PDE4D: variants seen among roughly 807,000 people sequenced by gnomAD.
The protein encoded by PDE4D is phosphodiesterase 4D, also known as 3',5'-cyclic-AMP phosphodiesterase 4D.
A neutral mutation model predicts 87.4 loss-of-function variants in PDE4D; 24 were observed. The observed-to-expected ratio is 0.27, with a 90% CI of 0.20 to 0.39. The LOEUF (loss-of-function observed/expected upper bound fraction) is 0.39. PDE4D is among the 10% of genes least tolerant of loss of function. PDE4D has a pLI of 1.00. For synonymous variants in PDE4D, 384 were observed against 383.2 expected, an observed-to-expected ratio of 1.00 and a Z score of -0.02; for missense variants, 714 against 1,041.0, an observed-to-expected ratio of 0.69 and a Z score of 4.32.
chr5:60,373,237 C>T lies in PDE4D; in HGVS notation c.-90+114705G>A, dbSNP rs144238573. ...TTAAATATTAGGATAATTTACATTA[C>T]ATTTCAAAATGCGGGCATCTTTTGA... On this transcript the variant is annotated intron_variant, in intron 1 of 16. Coordinates refer to the PDE4D transcript ENST00000502484. Among the ~76,000 whole-genome samples, 26 of 152,352 alleles carry T rather than the reference C, an allele frequency of 1.7e-4. No individual in the cohort carries two copies. In the East Asian group the frequency reaches 4.4e-3, roughly 26 times the overall value.
chr5:59,317,454 C>A (rs1057324198), intron 1 of PDE4D, among the ~76,000 whole-genome samples: 2 of 152,106 alleles, frequency 1.3e-5, no homozygotes, highest in African/African-American at 4.8e-5. Flanking sequence ...TCCCTAACTG[C>A]CTTTTTATTA....
intron 3 of PDE4D, among the ~76,000 whole-genome samples, chr5:59,902,567 G>A (rs1237015084): frequency 6.6e-6 from 1 of 152,118 alleles, no homozygotes; most frequent in Non-Finnish European, 1.5e-5. Context: ...GGAGCCCACA[G>A]GTAGATACAA....
chr5:59,450,550 C>A (rs1036547058), intron 1 of PDE4D, among the ~76,000 whole-genome samples: 43 of 152,264 alleles, frequency 2.8e-4, no homozygotes, highest in African/African-American at 1.0e-3. Context: ...ACACTGTGCA[C>A]ACATTTTTAA....
chr5:59,890,075 A>C (rs1750730562), intron 1 of PDE4D, among the ~76,000 whole-genome samples: 1 of 152,224 alleles, frequency 6.6e-6, no homozygotes, highest in African/African-American at 2.4e-5. Context: ...AATTTCAGCC[A>C]AGATAATATC....
chr5:59,583,407 A>G (rs1824545516), intron 1 of PDE4D, among the ~76,000 whole-genome samples: 2 of 152,194 alleles, frequency 1.3e-5, no homozygotes, highest in African/African-American at 4.8e-5. Context: ...CCATTCTAAC[A>G]ACTAGCCAGA....
chr5:60,293,203 G>C (rs1753060687), intron 1 of PDE4D, among the ~76,000 whole-genome samples: 1 of 151,882 alleles, frequency 6.6e-6, no homozygotes, highest in South Asian at 2.1e-4. Context: ...AAGGATTCCT[G>C]AACACTGACT....
chr5:59,528,407 T>G (rs1269870196), intron 1 of PDE4D, among the ~76,000 whole-genome samples: 1 of 152,154 alleles, frequency 6.6e-6, no homozygotes, highest in Non-Finnish European at 1.5e-5. Context: ...AGGGTCACAT[T>G]TGAAGTCCTG....
chr5:60,005,902 T>C (rs1218165484), intron 2 of PDE4D, among the ~76,000 whole-genome samples: 1 of 151,902 alleles, frequency 6.6e-6, no homozygotes, highest in Admixed American at 6.6e-5. Context: ...AGACACATAA[T>C]GATTTCGATC....
At chr5:59,373,138 C>G (rs1378373845) in intron 1 of PDE4D, among the ~76,000 whole-genome samples, 1 of 152,122 alleles carries the variant, frequency 6.6e-6, no homozygotes, top group African/African-American at 2.4e-5. Context: ...TTCCTCCAAA[C>G]AACCGTGTCC....
At chr5:59,390,974 G>C (rs1788124766) in intron 1 of PDE4D, among the ~76,000 whole-genome samples, 1 of 152,126 alleles carries the variant, frequency 6.6e-6, no homozygotes, top group East Asian at 1.9e-4. Flanking sequence ...CCTCTTATTA[G>C]AGTGTTAGAA....
At chr5:59,128,785 A>G (rs1775870518) in intron 5 of PDE4D, among the ~76,000 whole-genome samples, 1 of 152,244 alleles carries the variant, frequency 6.6e-6, no homozygotes, top group Non-Finnish European at 1.5e-5. Flanking sequence ...TGTTCCAGAG[A>G]GAAGCTGTTT....
intron 1 of PDE4D, among the ~76,000 whole-genome samples, chr5:60,211,269 T>C (rs1364062523): frequency 6.6e-6 from 1 of 152,170 alleles, no homozygotes; most frequent in Non-Finnish European, 1.5e-5. Flanking sequence ...GGAGTTTGTG[T>C]GGACTTTAAC....
At chr5:59,114,225 G>A (rs1447855418) in intron 5 of PDE4D, among the ~76,000 whole-genome samples, 1 of 151,978 alleles carries the variant, frequency 6.6e-6, no homozygotes, top group East Asian at 1.9e-4. Context: ...CACCAAATAT[G>A]ATCCCTTTAA....
rs556838638 is a variant in PDE4D at position 60,359,852 on chromosome 5, C to T, written c.-90+128090G>A. 9.2e-5 allele frequency among the ~76,000 whole-genome samples: 14 copies of T among 152,308 alleles called. No homozygotes were observed. The South Asian group carries it at 1.5e-3, about 16-fold the overall frequency. On this transcript the variant is annotated intron_variant, in intron 1 of 16. Coordinates refer to the PDE4D transcript ENST00000502484. ...TATCCATCTACCCCCACAAAACACA[C>T]GCCTTCTCCCATGTTTCTAGTGCCA...
At chr5:59,475,818 A>G (rs1347015169) in intron 1 of PDE4D, among the ~76,000 whole-genome samples, 3 of 152,008 alleles carry the variant, frequency 2.0e-5, no homozygotes, top group Non-Finnish European at 4.4e-5. Flanking sequence ...GAGTCTTCCC[A>G]CTGACTACTC....
chr5:59,740,745 CTTT>C (rs1034096603), intron 1 of PDE4D, among the ~76,000 whole-genome samples: 2 of 152,114 alleles, frequency 1.3e-5, no homozygotes, highest in African/African-American at 4.8e-5. Flanking sequence ...CTGAAGAGGA[CTTT>C]AGAGATCAAC....
At chr5:59,297,250 T>G (rs1001100783) in intron 1 of PDE4D, among the ~76,000 whole-genome samples, 2 of 152,192 alleles carry the variant, frequency 1.3e-5, no homozygotes, top group Non-Finnish European at 1.5e-5. Flanking sequence ...TGACATTTGT[T>G]TAGGCTTCTA....
At chr5:60,131,416 T>A (rs1779570464) in intron 2 of PDE4D, among the ~76,000 whole-genome samples, 2 of 152,222 alleles carry the variant, frequency 1.3e-5, no homozygotes, top group South Asian at 4.1e-4. Context: ...TAACAGTCTG[T>A]TGCGATATCC....
intron 2 of PDE4D, among the ~76,000 whole-genome samples, chr5:60,135,793 T>TC (rs1323556463): frequency 6.6e-6 from 1 of 152,128 alleles, no homozygotes; most frequent in African/African-American, 2.4e-5. Context: ...ACATTTCTCT[T>TC]CAGGCTTCCT....
Sources: allele counts gnomAD v4.1 joint callset (sites outside exome capture counted in the v4.1 genomes callset), GRCh38; gene constraint gnomAD v4.1.1; transcripts MANE v1.5; gene names NCBI Gene and HGNC (gene_info 2026-07-23, HGNC 2026-07-21).